Variants in TOP1MT observed in about 807,000 individuals in gnomAD.
TOP1MT encodes the protein DNA topoisomerase I, mitochondrial.
A neutral mutation model predicts 73.9 loss-of-function variants in TOP1MT; 80 were observed. The observed-to-expected ratio is 1.08, with a 90% confidence interval of 0.90 to 1.30. The LOEUF (loss-of-function observed/expected upper bound fraction) is 1.30, where lower values mean the gene tolerates loss of function less well. TOP1MT is among the 50% of genes most tolerant of loss of function. The probability of loss-of-function intolerance (pLI) is 0.00; values close to 1 mark genes in which losing one functional copy is unlikely to be tolerated. For synonymous variants in TOP1MT, 338 were observed against 326.4 expected (o/e 1.04, Z -0.38); for missense variants, 815 against 808.0 (o/e 1.01, Z -0.10).
intron 1 of TOP1MT, among the ~76,000 whole-genome samples, chr8:143,332,145 T>C (rs1202244206): frequency 1.3e-5 from 2 of 152,274 alleles, no homozygotes; most frequent in East Asian, 3.9e-4. Context: ...CATCTATCCA[T>C]TGAGGCAAGC....
chr8:143,321,939 C>CAT (rs200918209), intron 7 of TOP1MT, among the ~76,000 whole-genome samples: 91 of 61,392 alleles, frequency 1.5e-3, no homozygotes, highest in Admixed American at 2.8e-3. Flanking sequence ...ACGCCACACA[C>CAT]GCACGCCACA....
chr8:143,332,563 G>C (rs551708435), intron 1 of TOP1MT: 1 of 1,289,456 alleles, frequency 7.8e-7, no homozygotes, highest in Admixed American at 2.3e-5. Context: ...GGTCGGCTGG[G>C]ATGAGTGTCC....
At chr8:143,357,384 C>T (rs921417141), upstream of TOP1MT, among the ~76,000 whole-genome samples, 6 of 146,112 alleles carry the variant, frequency 4.1e-5, no homozygotes, top group Admixed American at 1.4e-4. Flanking sequence ...CACTCCTGGG[C>T]GACAGAGTGA....
At chr8:143,315,969 T>C (rs752803159) in intron 11 of TOP1MT, 30 bp downstream of exon 11, 1 of 1,613,964 alleles carries the variant, frequency 6.2e-7, no homozygotes, top group South Asian at 1.1e-5. Context: ...CCTTGAGGGC[T>C]GGGCTGGGGG....
At position 143,329,334 on chromosome 8, in the gene TOP1MT, C is replaced by T. The variant is rs1020582220; in HGVS notation, c.360+16G>A. 8.8e-6 allele frequency: 14 copies of T among 1,587,890 alleles called. No homozygotes were observed. Among genetic ancestry groups the T allele is most frequent in the East Asian group, 2.4e-5 (1 of 42,412 alleles). ...CCAGGTCCAGGACAGCTGTGGCGGC[C>T]GCCCAGGGTACCTACCTTTCGCCAG... On this transcript the variant is annotated intron_variant, in intron 3 of 13. Coordinates refer to ENST00000329245, the MANE Select transcript of TOP1MT (RefSeq NM_052963.3).
chr8:143,339,177 C>T (rs1229319836), upstream of TOP1MT, among the ~76,000 whole-genome samples: 1 of 152,212 alleles, frequency 6.6e-6, no homozygotes, highest in African/African-American at 2.4e-5. Context: ...TTTACCCCAT[C>T]CAGAAGCCAC....
At position 143,310,158 on chromosome 8, in the gene TOP1MT, C is replaced by T. The variant is rs1236904741; in HGVS notation, c.1613G>A (p.Ser538Asn). ...CTCCTCCTTGTCCGTGGCCTGCACA[C>T]TCAGCTGCGCCAGCTGCTCCTGCAG... ...EKLQEQLAQLSVQATDKEENK... is the reference protein window; with the variant it reads ...EKLQEQLAQLNVQATDKEENK... Residue 538 changes from serine (S) to asparagine (N), a missense_variant, in exon 13 of 14, where the codon AGT (serine) becomes AAT (asparagine). By Grantham distance (46) the Ser-to-Asn change is conservative. Around this residue, in one of 3 missense-constraint regions of TOP1MT, gnomAD observed 751 missense variants for 725.4 expected, o/e 1.04. Transcript: ENST00000329245. 2 of 1,610,080 alleles carry T rather than the reference C, an allele frequency of 1.2e-6. No homozygotes were observed. Among genetic ancestry groups the T allele is most frequent in the Non-Finnish European group, 1.7e-6 (2 of 1,178,384 alleles).
upstream of TOP1MT, among the ~76,000 whole-genome samples, chr8:143,339,098 G>A (rs1817030025): frequency 6.6e-6 from 1 of 152,210 alleles, no homozygotes; most frequent in Non-Finnish European, 1.5e-5. Flanking sequence ...GGAGCTCCAA[G>A]GCTATGCAGG....
chr8:143,316,833 A>G (rs1342264775), intron 10 of TOP1MT, among the ~76,000 whole-genome samples: 2 of 152,210 alleles, frequency 1.3e-5, no homozygotes, highest in Admixed American at 6.5e-5. Context: ...CAGTGGGCCC[A>G]GCACCTTCAT....
upstream of TOP1MT, among the ~76,000 whole-genome samples, chr8:143,345,508 GTCAC>G (rs1182188256): frequency 2.0e-5 from 3 of 152,234 alleles, no homozygotes; most frequent in Admixed American, 6.5e-5. Flanking sequence ...GCTGGGAGGT[GTCAC>G]TCACACCCCA....
chr8:143,332,405 G>T, intron 1 of TOP1MT: 1 of 1,068,634 alleles, frequency 9.4e-7, no homozygotes, highest in Non-Finnish European at 1.3e-6. Context: ...AGCACCATCA[G>T]GATGGGGGAG....
At chr8:143,324,373 A>G in intron 6 of TOP1MT, 112 bp downstream of exon 6, 1 of 1,510,924 alleles carries the variant, frequency 6.6e-7, no homozygotes, top group Non-Finnish European at 9.0e-7. Flanking sequence ...GGGCTGGCCG[A>G]CTCCCAGCCC....
chr8:143,317,769 G>A lies in TOP1MT; in HGVS notation c.1284C>T (p.Tyr428=), dbSNP rs371449384. Residue 428 remains tyrosine, a synonymous_variant, in exon 10 of 14, where the codon TAC becomes TAT. Transcript: ENST00000329245. ...GCTCCTGCAGAGTGATGGAGGCGTT[G>A]TAGGTCCGGAACACCTTGGCCGTCA... ...DGLTAKVFRT[Y]NASITLQEQL... 3.7e-6 allele frequency: 6 copies of A among 1,614,048 alleles called. No homozygotes were observed. The highest frequency in any genetic ancestry group is 5.1e-6 in the Non-Finnish European group (6 of 1,180,040).
chr8:143,316,125 G>C lies in TOP1MT; in HGVS notation c.1332C>G (p.Ala444=). 6.2e-7 allele frequency: 1 copy of C among 1,614,066 alleles called. No homozygotes were observed. The highest frequency in any genetic ancestry group is 1.1e-5 in the South Asian group (1 of 91,088). The change falls in exon 11 of 14, where the codon GCC becomes GCG. Residue 444 remains alanine (A), a splice_region_variant and synonymous_variant. Coordinates refer to ENST00000329245, the MANE Select transcript of TOP1MT (RefSeq NM_052963.3). ...LQEQLRALTR[A]EDSIAAKILS... ...AGATCTTAGCTGCTATGCTGTCCTC[G>C]GCTGAGAGGCACGGGCTGTCAGAGG...
intron 8 of TOP1MT, among the ~76,000 whole-genome samples, chr8:143,320,563 G>A (rs1816302951): frequency 1.3e-5 from 2 of 152,224 alleles, no homozygotes; most frequent in Admixed American, 1.3e-4. Context: ...CACCATGCCT[G>A]GCCAGAACGT....
chr8:143,321,528 G>A (rs1164814467), intron 7 of TOP1MT, 142 bp from the exon 8 acceptor site: 35 of 588,802 alleles, frequency 5.9e-5, no homozygotes, highest in East Asian at 4.3e-4. Flanking sequence ...ACACACGCAC[G>A]CCACACACAC....
At position 143,341,960 on chromosome 8, in the gene TOP1MT, T is replaced by A. The variant is rs890426339; in HGVS notation, c.29+1260A>T. On this transcript the variant is annotated intron_variant, in intron 2 of 5. Transcript: ENST00000518007. The surrounding 1 kb of genome is among the most constrained non-coding windows in gnomAD (Gnocchi z 4.1). ...GAGTCTCGCTCTGTTATTATTATTA[T>A]TAGAGACAGAGTCTCGCTGTTATTA... is the stretch of plus-strand genomic sequence containing the variant. 1.6e-4 allele frequency among the ~76,000 whole-genome samples: 23 copies of A among 142,008 alleles called. No individual in the cohort carries two copies. The highest frequency in any genetic ancestry group is 5.9e-4 in the African/African-American group (23 of 39,250). 93.2% of individuals were successfully genotyped at this position (142,008 alleles called of 152,430 possible). A position where few individuals can be genotyped will look rare whatever the true frequency, so the allele number is the denominator to read the frequency against.
intron 7 of TOP1MT, among the ~76,000 whole-genome samples, chr8:143,322,152 C>CACACAG (rs1461613280): frequency 8.7e-6 from 1 of 114,648 alleles, no homozygotes; most frequent in African/African-American, 3.2e-5. Context: ...GCACGCCACA[C>CACACAG]GCACGCCACA....
intron 3 of TOP1MT, among the ~76,000 whole-genome samples, chr8:143,326,739 C>T (rs541848521): frequency 6.6e-6 from 1 of 152,354 alleles, no homozygotes; most frequent in South Asian, 2.1e-4. Context: ...ACGTCATGAC[C>T]GGACAGAGCA....
Sources: gnomAD v4.1 joint callset for allele counts (sites outside exome capture counted in the v4.1 genomes callset) on GRCh38, gnomAD v4.1.1 for gene constraint, gnomAD v4.1.1 regional missense constraint, Gnocchi (gnomAD v3.1) non-coding constraint, MANE v1.5 for transcripts, NCBI Gene and HGNC (gene_info 2026-07-23, HGNC 2026-07-21) for gene names.